The following SCAPER variants were observed in gnomAD, a reference collection of about 807,000 sequenced individuals.
The protein encoded by SCAPER is S phase cyclin A-associated protein in the endoplasmic reticulum.
A neutral mutation model predicts 182.2 loss-of-function variants in SCAPER; 98 were observed. The ratio of observed to expected loss-of-function variants is 0.54; its 90% CI spans 0.46 to 0.64. The LOEUF is 0.64. Ranked by LOEUF, SCAPER falls within the 30% of genes least tolerant of loss-of-function variation. The pLI is 0.00. For missense variants in SCAPER, 1,432 were observed against 1,690.0 expected (o/e 0.85, Z 2.68); for synonymous variants, 605 against 564.6 (o/e 1.07, Z -1.01).
At chr15:76,804,208 G>C (rs950715933) in intron 6 of SCAPER, among the ~76,000 whole-genome samples, 1 of 152,096 alleles carries the variant, frequency 6.6e-6, no homozygotes, top group African/African-American at 2.4e-5. Flanking sequence ...TCCTCCAAAA[G>C]AGATTTGTCC....
chr15:76,456,154 G>C (rs2048720194), intron 25 of SCAPER, among the ~76,000 whole-genome samples: 2 of 152,138 alleles, frequency 1.3e-5, no homozygotes, highest in Admixed American at 6.6e-5. Context: ...CTTTATAGTA[G>C]AATGATTTAT....
At chr15:76,673,952 T>TACAC (rs71447120) in intron 20 of SCAPER, among the ~76,000 whole-genome samples, 5,479 of 146,384 alleles carry the variant, frequency 0.037, 272 homozygotes, top group African/African-American at 0.11. Flanking sequence ...AATTTATCTA[T>TACAC]ACACACACAC....
chr15:76,790,230 C>CAAA (rs34503482), intron 8 of SCAPER, among the ~76,000 whole-genome samples: 2 of 140,504 alleles, frequency 1.4e-5, no homozygotes, highest in African/African-American at 5.5e-5. Flanking sequence ...GACTCCATCT[C>CAAA]AAAAAAAAAA....
chr15:76,822,134 C>A (rs1465990662), intron 5 of SCAPER, among the ~76,000 whole-genome samples: 7 of 152,028 alleles, frequency 4.6e-5, no homozygotes. Flanking sequence ...AGACCAAGAG[C>A]AAACATAAAT....
Position 76,405,486 on chromosome 15 carries a change from A to G in SCAPER, c.3312-807T>C, listed in dbSNP as rs142806899. ...AGACTCTGTCACCATTAACAGCATA[A>G]CAAACAGTGAGAATCTAATTGCTTT... On this transcript the variant is annotated intron_variant, in intron 26 of 31. Transcript: ENST00000563290. Among the ~76,000 whole-genome samples the G allele has an allele frequency of 6.0e-3, 908 of 152,232 alleles. 4 individuals carry two copies. Among genetic ancestry groups the G allele is most frequent in the African/African-American group, 0.021 (876 of 41,532 alleles).
intron 17 of SCAPER, among the ~76,000 whole-genome samples, chr15:76,706,336 A>G (rs2059261797): frequency 6.6e-6 from 1 of 152,194 alleles, no homozygotes; most frequent in Non-Finnish European, 1.5e-5. Flanking sequence ...TCAAAAAGAC[A>G]AAGTAGAAGA....
chr15:76,518,184 C>A lies in SCAPER; in HGVS notation c.2839-13210G>T, dbSNP rs1295477256. 4.6e-5 allele frequency among the ~76,000 whole-genome samples: 7 copies of A among 152,226 alleles called. No homozygotes were observed. The East Asian group carries it at 1.4e-3, about 29-fold the overall frequency. On this transcript the variant is annotated intron_variant, in intron 23 of 31. Coordinates refer to ENST00000563290, the MANE Select transcript of SCAPER (RefSeq NM_020843.4). ...AAGACTCCAGGTGGCCCAAGATGGG[C>A]TCCCTGCAGCTCAAGCCCCAGCTGG...
At position 76,675,797 on chromosome 15, in the gene SCAPER, C is replaced by T. The variant is rs148049362; in HGVS notation, c.2509-10008G>A. ...GGGCATGCAGCACTCTTCAATCTAT[C>T]CTCAGGGGTGGGTAGTCCATTCCAT... On this transcript the variant is annotated intron_variant, in intron 20 of 31. Transcript: ENST00000563290. Among the ~76,000 whole-genome samples, 1,507 of 152,060 alleles carry T rather than the reference C, an allele frequency of 9.9e-3. 14 individuals carry two copies. The highest frequency in any genetic ancestry group is 0.016 in the Non-Finnish European group (1,100 of 67,978).
At chr15:76,551,235 T>TA (rs1166848067) in intron 23 of SCAPER, among the ~76,000 whole-genome samples, 2 of 152,146 alleles carry the variant, frequency 1.3e-5, no homozygotes, top group African/African-American at 4.8e-5. Flanking sequence ...ATGAAATCAG[T>TA]ATGTCAAAGA....
rs373003461 is a variant in SCAPER at position 76,537,071 on chromosome 15, T to C, written c.2839-32097A>G. 5.9e-5 allele frequency among the ~76,000 whole-genome samples: 9 copies of C among 152,040 alleles called. No homozygotes were observed. The South Asian group carries it at 6.2e-4, about 11-fold the overall frequency. ...CATTGCTCAATGAAATAAAAGAGGATACAAACAAATGGAAGAACATTCCAT... is the reference window on the plus strand; with the variant it reads ...CATTGCTCAATGAAATAAAAGAGGACACAAACAAATGGAAGAACATTCCAT... On this transcript the variant is annotated intron_variant, in intron 23 of 31. Transcript: ENST00000563290.
At chr15:76,624,248 TA>T (rs2052369954) in intron 21 of SCAPER, among the ~76,000 whole-genome samples, 1 of 152,136 alleles carries the variant, frequency 6.6e-6, no homozygotes, top group African/African-American at 2.4e-5. Flanking sequence ...TATACACCGA[TA>T]ACATTGAAGG....
At chr15:76,873,632 G>A (rs1300436032) in intron 2 of SCAPER, among the ~76,000 whole-genome samples, 1 of 151,946 alleles carries the variant, frequency 6.6e-6, no homozygotes, top group Non-Finnish European at 1.5e-5. Context: ...TTTAGAAGCT[G>A]GCAGAACAAG....
chr15:76,504,223 CTG>C (rs2041389468), intron 24 of SCAPER, among the ~76,000 whole-genome samples: 1 of 152,134 alleles, frequency 6.6e-6, no homozygotes, highest in African/African-American at 2.4e-5. Context: ...TATTTAAACT[CTG>C]TAAATAAGAG....
chr15:76,454,085 A>T (rs1418142793), intron 25 of SCAPER, among the ~76,000 whole-genome samples: 1 of 152,144 alleles, frequency 6.6e-6, no homozygotes, highest in Non-Finnish European at 1.5e-5. Context: ...ATCCCTACTT[A>T]TGTCACCGGC....
chr15:76,748,524 T>G (rs1283537667), intron 15 of SCAPER, among the ~76,000 whole-genome samples: 1 of 151,034 alleles, frequency 6.6e-6, no homozygotes, highest in African/African-American at 2.4e-5. Context: ...CATTAAAAAC[T>G]TTTATGAAAA....
At chr15:76,570,682 T>G (rs2439992) in intron 23 of SCAPER, among the ~76,000 whole-genome samples, 23,442 of 152,006 alleles carry the variant, frequency 0.15, 2,019 homozygotes, top group African/African-American at 0.24. Context: ...TATCATGACT[T>G]ACTTACTTTC....
intron 27 of SCAPER, among the ~76,000 whole-genome samples, chr15:76,390,660 CTT>C (rs2043628274): frequency 6.6e-6 from 1 of 152,162 alleles, no homozygotes; most frequent in South Asian, 2.1e-4. Context: ...AGATGGGACA[CTT>C]TTGACCTCTC....
chr15:76,580,489 T>A (rs1292583196), intron 22 of SCAPER, among the ~76,000 whole-genome samples: 4 of 152,204 alleles, frequency 2.6e-5, no homozygotes, highest in African/African-American at 9.6e-5. Context: ...GTGTGGTGGC[T>A]CATGCCTGTA....
chr15:76,441,750 C>A (rs935197573), intron 25 of SCAPER, among the ~76,000 whole-genome samples: 1 of 152,148 alleles, frequency 6.6e-6, no homozygotes, highest in African/African-American at 2.4e-5. Flanking sequence ...CCTATCTTCC[C>A]TTTCTTGCTT....
Sources: allele counts gnomAD v4.1 joint callset (sites outside exome capture counted in the v4.1 genomes callset), GRCh38; gene constraint gnomAD v4.1.1; transcripts MANE v1.5; gene names NCBI Gene and HGNC (gene_info 2026-07-23, HGNC 2026-07-21).